COL24A1: variants seen among roughly 807,000 people sequenced by gnomAD.
COL24A1 encodes the protein collagen type XXIV alpha 1 chain, also known as collagen alpha-1(XXIV) chain.
Under a neutral mutation model 253.9 loss-of-function variants are expected in COL24A1, and 224 were observed. The ratio of observed to expected loss-of-function variants is 0.88; its 90% confidence interval spans 0.79 to 0.99. COL24A1 has a LOEUF of 0.99. Ranked by LOEUF, COL24A1 falls within the 50% of genes least tolerant of loss-of-function variation. The probability of loss-of-function intolerance (pLI) is 0.00; values close to 1 mark genes in which losing one functional copy is unlikely to be tolerated. For synonymous variants in COL24A1, 685 were observed against 673.7 expected (o/e 1.02, Z -0.26); for missense variants, 2,131 against 2,068.5 (o/e 1.03, Z -0.59).
At chr1:85,767,931 A>T (rs1421040110) in intron 53 of COL24A1, among the ~76,000 whole-genome samples, 4 of 152,216 alleles carry the variant, frequency 2.6e-5, no homozygotes, top group Admixed American at 1.3e-4. Flanking sequence ...TGTACCACAC[A>T]AAGTTCCCTA....
chr1:85,945,936 T>G (rs1192151928), intron 24 of COL24A1, among the ~76,000 whole-genome samples: 1 of 152,192 alleles, frequency 6.6e-6, no homozygotes. Flanking sequence ...CAGGCTTGAG[T>G]TTGCCATCTT....
chr1:86,127,144 T>G lies in COL24A1; in HGVS notation c.122-930A>C, dbSNP rs544828374. On this transcript the variant is annotated intron_variant, in intron 2 of 59. Coordinates refer to ENST00000370571, the MANE Select transcript of COL24A1 (RefSeq NM_152890.7). ...CCGGACAAAAGAATTTAAATTCATTTTATTGGTGATCACTCTGGTTTTTCT... is the reference window on the plus strand; with the variant it reads ...CCGGACAAAAGAATTTAAATTCATTGTATTGGTGATCACTCTGGTTTTTCT... Among the ~76,000 whole-genome samples, 54 of 152,244 alleles carry G rather than the reference T, an allele frequency of 3.5e-4. 1 individual carries two copies. Among genetic ancestry groups the G allele is most frequent in the Non-Finnish European group, 1.6e-4 (11 of 67,982 alleles).
intron 31 of COL24A1, among the ~76,000 whole-genome samples, chr1:85,892,035 G>C (rs945670002): frequency 6.6e-6 from 1 of 152,072 alleles, no homozygotes; most frequent in African/African-American, 2.4e-5. Context: ...CCTGTGCCAG[G>C]AACATAATAA....
intron 2 of COL24A1, among the ~76,000 whole-genome samples, chr1:86,138,429 C>G (rs1264945364): frequency 6.6e-6 from 1 of 152,112 alleles, no homozygotes; most frequent in Non-Finnish European, 1.5e-5. Flanking sequence ...CAAATCTCAT[C>G]TTGAATTCCC....
At chr1:85,863,291 A>T (rs1222874748) in intron 37 of COL24A1, among the ~76,000 whole-genome samples, 2 of 152,206 alleles carry the variant, frequency 1.3e-5, no homozygotes, top group African/African-American at 4.8e-5. Flanking sequence ...CTCTTTTCCT[A>T]ATTGAATACC....
chr1:85,987,779 A>G, intron 19 of COL24A1, 125 bp from the exon 20 acceptor site: 2 of 723,874 alleles, frequency 2.8e-6, no homozygotes, highest in Non-Finnish European at 4.5e-6. Flanking sequence ...CAAAAATTCA[A>G]TATTGAAGAT....
At chr1:85,772,786 T>G (rs1331584303) in intron 53 of COL24A1, among the ~76,000 whole-genome samples, 10 of 152,252 alleles carry the variant, frequency 6.6e-5, no homozygotes, top group Non-Finnish European at 1.3e-4. Context: ...GTCAGATGGA[T>G]AGACTGCAAA....
At position 85,877,325 on chromosome 1, in the gene COL24A1, A is replaced by G. The variant is rs1208781208; in HGVS notation, c.2977-150T>C. ...TTATCAGCATATTACTTTACTCTGT[A>G]TAAACAAAATTATATCTTTAATTGA... is the stretch of plus-strand genomic sequence containing the variant. On this transcript the variant is annotated intron_variant, in intron 32 of 59. Coordinates refer to ENST00000370571, the MANE Select transcript of COL24A1 (RefSeq NM_152890.7). The G allele has an allele frequency of 1.5e-5, 8 of 549,474 alleles. No homozygotes were observed. In the Admixed American group the frequency reaches 1.5e-4, roughly 10 times the overall value. 34.0% of individuals were successfully genotyped at this position (549,474 alleles called of 1,614,324 possible).
chr1:86,077,853 G>C (rs893765345), intron 7 of COL24A1, among the ~76,000 whole-genome samples: 15 of 152,064 alleles, frequency 9.9e-5, no homozygotes, highest in African/African-American at 3.6e-4. Flanking sequence ...GGGGGGCTGG[G>C]GAGGGCTAGC....
At chr1:86,076,077 T>C (rs1378658638) in intron 7 of COL24A1, among the ~76,000 whole-genome samples, 1 of 152,090 alleles carries the variant, frequency 6.6e-6, no homozygotes, top group Non-Finnish European at 1.5e-5. Context: ...TAAAGCATAA[T>C]CAAATAGGAA....
At chr1:85,738,494 CTACA>C (rs1373342054) in intron 57 of COL24A1, among the ~76,000 whole-genome samples, 6 of 152,136 alleles carry the variant, frequency 3.9e-5, no homozygotes, top group Non-Finnish European at 5.9e-5. Flanking sequence ...TAAACTCAGA[CTACA>C]GAAAATACTT....
intron 1 of COL24A1, among the ~76,000 whole-genome samples, chr1:86,150,589 T>G (rs1417073808): frequency 6.6e-6 from 1 of 151,960 alleles, no homozygotes; most frequent in Non-Finnish European, 1.5e-5. Context: ...TTAATTTTCA[T>G]TTTAGCTTTC....
chr1:86,145,607 A>T (rs1651767763), intron 2 of COL24A1, among the ~76,000 whole-genome samples: 2 of 152,126 alleles, frequency 1.3e-5, no homozygotes, highest in African/African-American at 4.8e-5. Context: ...CTATCATCAT[A>T]CTACCAGAGT....
chr1:85,747,350 G>A (rs920975961), intron 55 of COL24A1, among the ~76,000 whole-genome samples: 10 of 151,984 alleles, frequency 6.6e-5, no homozygotes, highest in Admixed American at 3.3e-4. Context: ...CTGACCTCAG[G>A]TGATCTGCCC....
intron 37 of COL24A1, among the ~76,000 whole-genome samples, chr1:85,863,682 A>G (rs1190186304): frequency 6.6e-6 from 1 of 152,220 alleles, no homozygotes; most frequent in African/African-American, 2.4e-5. Context: ...CAGAATCTAC[A>G]AAGAACTCAA....
At chr1:86,037,625 T>C (rs1699139644) in intron 12 of COL24A1, among the ~76,000 whole-genome samples, 1 of 152,166 alleles carries the variant, frequency 6.6e-6, no homozygotes, top group African/African-American at 2.4e-5. Context: ...CAGATGATAA[T>C]GCAGCCTGTC....
chr1:86,125,299 T>C lies in COL24A1; in HGVS notation c.1037A>G (p.Asn346Ser). Residue 346 changes from asparagine to serine, a missense_variant, in exon 3 of 60, where the codon AAT becomes AGT. Transcript: ENST00000370571. ...ATGAGTGGTCACTGACAGGCTGAAA[T>C]TTGTCTGAGTATCTTCCTCAGTGAT... ...EMITEEDTQT[N>S]FSLSVTTHRI... The C allele has an allele frequency of 6.2e-7, 1 of 1,613,674 alleles. No individual in the cohort carries two copies. The highest frequency in any genetic ancestry group is 8.5e-7 in the Non-Finnish European group (1 of 1,179,794).
In COL24A1 at chr1:86,125,636, A is replaced by G; in HGVS notation, c.700T>C (p.Tyr234His). 1 of 1,611,650 alleles carries G rather than the reference A, an allele frequency of 6.2e-7. No homozygotes were observed. Residue 234 changes from tyrosine to histidine, a missense_variant, in exon 3 of 60, where the codon TAC becomes CAC. Physicochemically the swap from Tyr to His is moderately conservative, Grantham distance 83 (BLOSUM62 2). Coordinates refer to ENST00000370571, the MANE Select transcript of COL24A1 (RefSeq NM_152890.7). ...IIPSAEASAD[Y>H]CRYVKQQCRQ... ...CACTGCTGTTTCACATATCTGCAGT[A>G]GTCTGCAGATGCTTCTGCAGAAGGA...
chr1:85,968,298 G>A (rs1691771947), intron 22 of COL24A1, among the ~76,000 whole-genome samples: 1 of 152,122 alleles, frequency 6.6e-6, no homozygotes, highest in Non-Finnish European at 1.5e-5. Flanking sequence ...TGGCCTGGGG[G>A]TTGGGGACCC....
Sources: allele counts gnomAD v4.1 joint callset (sites outside exome capture counted in the v4.1 genomes callset), GRCh38; gene constraint gnomAD v4.1.1; transcripts MANE v1.5; gene names NCBI Gene and HGNC (gene_info 2026-07-23, HGNC 2026-07-21).